EXOSC10: variants seen among roughly 807,000 people sequenced by gnomAD.
EXOSC10 encodes exosome complex component 10.
In EXOSC10, 94 loss-of-function variants were observed where a neutral mutation model predicts 126.6. That is an observed-to-expected ratio of 0.74 (90% CI 0.63 to 0.88). EXOSC10 has a LOEUF of 0.88. Among genes scored for constraint, EXOSC10 ranks in the 40% least tolerant of loss-of-function variants. The probability of loss-of-function intolerance (pLI) is 0.00; values close to 1 mark genes in which losing one functional copy is unlikely to be tolerated. For synonymous variants in EXOSC10, 395 were observed against 400.8 expected (o/e 0.99, Z 0.17); for missense variants, 1,041 against 1,100.5 (o/e 0.95, Z 0.77).
intron 24 of EXOSC10, 143 bp from the exon 25 acceptor site, chr1:11,066,891 C>T (rs1639129090): frequency 1.2e-6 from 1 of 852,182 alleles, no homozygotes; most frequent in East Asian, 2.5e-5. Context: ...CGGCGGCCCA[C>T]CAGAGTTGGC....
intron 10 of EXOSC10, among the ~76,000 whole-genome samples, chr1:11,081,520 C>T (rs1302954949): frequency 6.6e-6 from 1 of 152,174 alleles, no homozygotes; most frequent in East Asian, 1.9e-4. Flanking sequence ...CCACTGGTGT[C>T]CTGAGTTCAA....
chr1:11,082,599 G>T, intron 10 of EXOSC10, 89 bp downstream of exon 10: 2 of 1,567,650 alleles, frequency 1.3e-6, no homozygotes, highest in Non-Finnish European at 1.7e-6. Flanking sequence ...GAGCGTGGTA[G>T]GGCTCAAACC....
rs975962350 is a variant in EXOSC10 at position 11,082,771 on chromosome 1, G to A, written c.1197C>T (p.Gly399=). The A allele has an allele frequency of 1.1e-5, 18 of 1,614,186 alleles. No individual in the cohort carries two copies. In the African/African-American group the frequency reaches 1.3e-4, roughly 12 times the overall value. The change falls in exon 10 of 25, where the codon GGC becomes GGT. Residue 399 remains glycine (G), a synonymous_variant. Coordinates refer to ENST00000376936, the MANE Select transcript of EXOSC10 (RefSeq NM_001001998.3). ...THQAARLLNL[G]RHSLDHLLKL... ...TCAGGAGATGATCGAGTGAGTGCCT[G>A]CCCAGGTTAAGAAGGCGTGCTGCCT... is the stretch of plus-strand genomic sequence containing the variant.
intron 2 of EXOSC10, 79 bp downstream of exon 2, chr1:11,097,941 T>A: frequency 7.4e-7 from 1 of 1,360,252 alleles, no homozygotes; most frequent in Non-Finnish European, 9.6e-7. Context: ...TAAGGAAAAA[T>A]AAATTTCAGG....
intron 17 of EXOSC10, among the ~76,000 whole-genome samples, chr1:11,075,013 G>A (rs1639731575): frequency 6.6e-6 from 1 of 152,112 alleles, no homozygotes; most frequent in Non-Finnish European, 1.5e-5. Flanking sequence ...CTTAATTGAT[G>A]CCTGAAATTT....
At position 11,073,873 on chromosome 1, in the gene EXOSC10, A is replaced by G. The variant is rs530927758; in HGVS notation, c.2157+61T>C. ...AGCCTGGGTGACAAAGCGAGACTCC[A>G]TCTCAAAAAAAAAAAAAAAAAAAAA... On this transcript the variant is annotated intron_variant, in intron 19 of 24. Coordinates refer to ENST00000376936, the MANE Select transcript of EXOSC10 (RefSeq NM_001001998.3). 8.4e-5 allele frequency: 84 copies of G among 1,002,094 alleles called. No individual in the cohort carries two copies. In the African/African-American group the frequency reaches 1.5e-3, roughly 18 times the overall value. The allele number at this position is 1,002,094 out of a possible 1,614,324, so 62.1% of individuals were successfully genotyped here.
Position 11,098,123 on chromosome 1 carries a change from C to T in EXOSC10, c.145G>A (p.Ala49Thr). The change falls in exon 2 of 25, where the codon GCA becomes ACA. Residue 49 changes from alanine (A) to threonine (T), a missense_variant. Around this residue, in one of 3 missense-constraint regions of EXOSC10, gnomAD observed 645 missense variants for 656.3 expected, o/e 0.98. Transcript: ENST00000376936. ...CCAAACTGTGGTAGGCCCCCAGATGCCTTGGTGACTGCCACCACGGACCCA... is the reference window on the plus strand; with the variant it reads ...CCAAACTGTGGTAGGCCCCCAGATGTCTTGGTGACTGCCACCACGGACCCA... ...ALGSVVAVTK[A>T]SGGLPQFGDE... 6.2e-7 allele frequency: 1 copy of T among 1,611,424 alleles called. No homozygotes were observed.
Position 11,073,977 on chromosome 1 carries a change from A to C in EXOSC10, c.2114T>G (p.Val705Gly). The C allele has an allele frequency of 6.2e-7, 1 of 1,613,638 alleles. No homozygotes were observed. Among genetic ancestry groups the C allele is most frequent in the Non-Finnish European group, 8.5e-7 (1 of 1,179,952 alleles). ...TGGATCGAACTTCGCTGCCTGAGAG[A>C]CGGGAGCACGGTGTCCCAGTGAGGG... ...FLPSLGHRAP[V>G]SQAAKFDPST... Residue 705 changes from valine to glycine, a missense_variant, in exon 19 of 25, where the codon GTC becomes GGC. Val to Gly is a moderately radical substitution (Grantham distance 109, BLOSUM62 -3). This residue lies in a region of EXOSC10 where 388 missense variants were observed against 415.2 expected (regional missense o/e 0.93). Transcript: ENST00000376936.
Position 11,077,648 on chromosome 1 carries a change from C to T in EXOSC10, c.1753G>A (p.Glu585Lys). 1 of 1,606,744 alleles carries T rather than the reference C, an allele frequency of 6.2e-7. No individual in the cohort carries two copies. Among genetic ancestry groups the T allele is most frequent in the Non-Finnish European group, 8.5e-7 (1 of 1,174,490 alleles). ...QAREMPLLKS[E>K]VAAGVKKSGP... The stretch of plus-strand genomic sequence containing the variant: ...CTCTTCTTCACTCCGGCTGCAACTT[C>T]AGACTAAGGAAAAAAACGAAGGGAA... The change falls in exon 15 of 25, where the codon GAA becomes AAA. Residue 585 changes from glutamate (E) to lysine (K), a missense_variant. By Grantham distance (56) the Glu-to-Lys change is moderately conservative. This residue lies in a region of EXOSC10 where 388 missense variants were observed against 415.2 expected (regional missense o/e 0.93). Coordinates refer to ENST00000376936, the MANE Select transcript of EXOSC10 (RefSeq NM_001001998.3).
At position 11,080,901 on chromosome 1, in the gene EXOSC10, T is replaced by C; in HGVS notation, c.1449A>G (p.Lys483=). The change falls in exon 12 of 25, where the codon AAA becomes AAG. Residue 483 remains lysine, a synonymous_variant. Coordinates refer to ENST00000376936, the MANE Select transcript of EXOSC10 (RefSeq NM_001001998.3). ...GGTAGGACTCATCCGTGAAGATAGG[T>C]TTGATGAATTTCTACAAAGTATTAG... The part of the protein sequence containing the change: ...SRDICLKKFI[K]PIFTDESYLE... 9 of 1,605,726 alleles carry C rather than the reference T, an allele frequency of 5.6e-6. No homozygotes were observed. Among genetic ancestry groups the C allele is most frequent in the Non-Finnish European group, 6.8e-6 (8 of 1,177,236 alleles).
rs1641211756 is a variant in EXOSC10, at chr1:11,098,034, G to A, written c.234C>T (p.Asp78=). ...GFQAFCETQG[D]RLLQCMSRVM... is the part of the protein sequence containing the mutation. ...ACAGTACTTACCACTGAAGCAACCT[G>A]TCTCCCTGTGTTTCGCAAAATGCTT... The change falls in exon 2 of 25, where the codon GAC becomes GAT. Residue 78 remains aspartate, a synonymous_variant. Coordinates refer to ENST00000376936, the MANE Select transcript of EXOSC10 (RefSeq NM_001001998.3). The A allele has an allele frequency of 6.2e-7, 1 of 1,610,348 alleles. No homozygotes were observed.
chr1:11,084,628 A>C (rs933738744), intron 9 of EXOSC10, among the ~76,000 whole-genome samples: 3 of 152,184 alleles, frequency 2.0e-5, no homozygotes, highest in Admixed American at 6.6e-5. Flanking sequence ...CTTTAGTTTA[A>C]TTAGATCCCA....
intron 19 of EXOSC10, 89 bp from the exon 20 acceptor site, chr1:11,072,260 T>C (rs756704560): frequency 1.1e-5 from 10 of 899,938 alleles, no homozygotes; most frequent in Non-Finnish European, 1.8e-5. Context: ...GAAGGGCAGG[T>C]TAACCTAAGA....
chr1:11,077,300 G>A (rs1466644826), intron 16 of EXOSC10, 65 bp downstream of exon 16: 9 of 1,533,208 alleles, frequency 5.9e-6, no homozygotes, highest in Non-Finnish European at 7.1e-6. Flanking sequence ...CAAGCCTACA[G>A]AATTTTAGAC....
chr1:11,098,720 A>G (rs769682881), intron 1 of EXOSC10, among the ~76,000 whole-genome samples: 3 of 152,244 alleles, frequency 2.0e-5, no homozygotes, highest in Non-Finnish European at 2.9e-5. Flanking sequence ...CGACAAATTT[A>G]TAACAGCTAC....
intron 14 of EXOSC10, among the ~76,000 whole-genome samples, chr1:11,078,326 C>T (rs1001960666): frequency 6.6e-6 from 1 of 150,420 alleles, no homozygotes; most frequent in Non-Finnish European, 1.5e-5. Context: ...GGCGGGATCT[C>T]GGCTCACTGC....
In EXOSC10 at chr1:11,083,038, C is replaced by T. The variant is rs1640256244; in HGVS notation, c.1090-160G>A. 2.0e-5 allele frequency among the ~76,000 whole-genome samples: 3 copies of T among 152,186 alleles called. No homozygotes were observed. The South Asian group carries it at 6.2e-4, about 32-fold the overall frequency. ...TGATCTTGGCTCACTGCAACTTCCG[C>T]CTCCCATGCTCCAGCAATCCTCCCA... is the stretch of plus-strand genomic sequence containing the variant. On this transcript the variant is annotated intron_variant, in intron 9 of 24. Coordinates refer to ENST00000376936, the MANE Select transcript of EXOSC10 (RefSeq NM_001001998.3).
At position 11,066,683 on chromosome 1, in the gene EXOSC10, G is replaced by A; in HGVS notation, c.*35C>T. On this transcript the variant is annotated 3_prime_UTR_variant, in exon 25 of 25. Transcript: ENST00000376936. ...TACAAAAGCAGCACCAGCATTTGGT[G>A]CTTCCGGTCCACAGGCGCCACGTGT... 6.2e-7 allele frequency: 1 copy of A among 1,612,802 alleles called. No individual in the cohort carries two copies. The highest frequency in any genetic ancestry group is 8.5e-7 in the Non-Finnish European group (1 of 1,178,756).
chr1:11,068,164 G>A, intron 23 of EXOSC10, 80 bp from the exon 24 acceptor site: 1 of 1,140,506 alleles, frequency 8.8e-7, no homozygotes, highest in Non-Finnish European at 1.3e-6. Context: ...GAGCTCAGGT[G>A]GCCAAAGATT....
Sources: allele counts gnomAD v4.1 joint callset (sites outside exome capture counted in the v4.1 genomes callset), GRCh38; gene constraint gnomAD v4.1.1; regional missense constraint gnomAD v4.1.1; transcripts MANE v1.5; gene names NCBI Gene and HGNC (gene_info 2026-07-23, HGNC 2026-07-21).